UBE3D: variants seen among roughly 807,000 people sequenced by gnomAD.
UBE3D encodes the protein E3 ubiquitin-protein ligase E3D.
In UBE3D, 48 loss-of-function variants were observed where a neutral mutation model predicts 49.6. The observed-to-expected ratio is 0.97, with a 90% CI of 0.77 to 1.23. The LOEUF is 1.23. Ranked by LOEUF, UBE3D falls within the 50% of genes most tolerant of loss-of-function variation. The pLI is 0.00. For synonymous variants in UBE3D, 189 were observed against 174.2 expected, an observed-to-expected ratio of 1.08 and a Z score of -0.67; for missense variants, 452 against 468.4, an observed-to-expected ratio of 0.96 and a Z score of 0.32.
intron 8 of UBE3D, among the ~76,000 whole-genome samples, chr6:83,003,524 C>T (rs375527661): frequency 3.9e-5 from 6 of 152,088 alleles, no homozygotes; most frequent in East Asian, 1.9e-4. Flanking sequence ...AGTCATGTGT[C>T]GCTTAACAAC....
At chr6:82,889,688 A>G (rs1036460753), downstream of UBE3D, among the ~76,000 whole-genome samples, 1 of 152,122 alleles carries the variant, frequency 6.6e-6, no homozygotes, top group Non-Finnish European at 1.5e-5. Flanking sequence ...GAAATTATAT[A>G]TAGTAATTTT....
At chr6:82,952,466 C>G in intron 9 of UBE3D, among the ~76,000 whole-genome samples, 1 of 151,816 alleles carries the variant, frequency 6.6e-6, no homozygotes, top group African/African-American at 2.4e-5. Flanking sequence ...TCACTCTCAC[C>G]CAAGCTGCAG....
intron 9 of UBE3D, among the ~76,000 whole-genome samples, chr6:82,933,575 G>T (rs1233653014): frequency 2.0e-5 from 3 of 152,144 alleles, no homozygotes; most frequent in African/African-American, 4.8e-5. Flanking sequence ...GACTCCATAG[G>T]TAGAGTGTAG....
At chr6:82,958,741 C>G (rs895301177) in intron 8 of UBE3D, among the ~76,000 whole-genome samples, 5 of 152,190 alleles carry the variant, frequency 3.3e-5, no homozygotes, top group African/African-American at 1.2e-4. Flanking sequence ...TCAGCTGGAT[C>G]TGGGAGCCAA....
intron 8 of UBE3D, chr6:83,018,729 C>G (rs1780866023): frequency 2.2e-6 from 1 of 447,810 alleles, no homozygotes; most frequent in Non-Finnish European, 3.9e-6. Flanking sequence ...GCCATATGTA[C>G]AGACAGCTTA....
chr6:83,054,776 G>A (rs1437506409), intron 2 of UBE3D, among the ~76,000 whole-genome samples: 2 of 151,824 alleles, frequency 1.3e-5, no homozygotes, highest in Admixed American at 6.6e-5. Context: ...TCAGCCTCCC[G>A]CGTAGCTGGG....
chr6:82,888,097 G>A (rs1049656259), downstream of UBE3D, among the ~76,000 whole-genome samples: 2 of 151,970 alleles, frequency 1.3e-5, no homozygotes, highest in African/African-American at 4.8e-5. Context: ...CACTTATAAG[G>A]CGCTTTCTAT....
At chr6:82,958,397 T>C (rs896937730) in intron 8 of UBE3D, among the ~76,000 whole-genome samples, 6 of 152,204 alleles carry the variant, frequency 3.9e-5, no homozygotes, top group African/African-American at 1.4e-4. Flanking sequence ...TTGGTTTATA[T>C]AAATATACAT....
At chr6:83,031,453 G>A (rs966193345) in intron 5 of UBE3D, among the ~76,000 whole-genome samples, 8 of 152,168 alleles carry the variant, frequency 5.3e-5, no homozygotes, top group Non-Finnish European at 7.3e-5. Flanking sequence ...TTGCATCAGC[G>A]TGACCTGGAT....
chr6:82,881,658 C>A, the UBE3D span, among the ~76,000 whole-genome samples: 1 of 152,060 alleles, frequency 6.6e-6, no homozygotes, highest in African/African-American at 2.4e-5. Context: ...ACTGCTTTTT[C>A]CTCCTCTGAA....
chr6:83,058,546 C>T (rs140953253), intron 1 of UBE3D, among the ~76,000 whole-genome samples: 25 of 152,338 alleles, frequency 1.6e-4, no homozygotes, highest in Middle Eastern at 3.4e-3. Context: ...AGCCCCCAGG[C>T]ATCAAAAGTA....
chr6:83,057,952 C>A lies in UBE3D; in HGVS notation c.148G>T (p.Glu50Ter). The A allele has an allele frequency of 6.2e-7, 1 of 1,614,158 alleles. No homozygotes were observed. Among genetic ancestry groups the A allele is most frequent in the Non-Finnish European group, 8.5e-7 (1 of 1,180,022 alleles). The change falls in exon 2 of 10, where the codon GAA (glutamate) becomes TAA (stop). Residue 50 changes from glutamate (E) to a stop codon, truncating the protein, a stop_gained. Transcript: ENST00000369747. LOFTEE classifies it high-confidence loss of function. ...GGAAGCTGGATTTCTGTGCAGCCTT[C>A]AGGGGTTTTCATCTGGAGTGAAGAT... The part of the protein sequence containing the change: ...MPSSLQMKTP[E>*]GCTEIQLPAE...
chr6:83,045,008 A>G (rs1006378482), intron 3 of UBE3D, among the ~76,000 whole-genome samples: 1 of 152,218 alleles, frequency 6.6e-6, no homozygotes, highest in Non-Finnish European at 1.5e-5. Context: ...ATTTAGATGA[A>G]TCCTAATTAG....
chr6:82,997,698 G>A (rs529764415), intron 8 of UBE3D, among the ~76,000 whole-genome samples: 2 of 152,146 alleles, frequency 1.3e-5, no homozygotes, highest in South Asian at 4.1e-4. Flanking sequence ...CAGCCTGGGC[G>A]ACACAGCAAG....
intron 8 of UBE3D, among the ~76,000 whole-genome samples, chr6:82,974,440 C>T (rs529818329): frequency 5.3e-5 from 8 of 152,318 alleles, no homozygotes; most frequent in Admixed American, 2.6e-4. Flanking sequence ...ATAACCTGCA[C>T]ATATCCTCCC....
Sources: gnomAD v4.1 joint callset for allele counts (sites outside exome capture counted in the v4.1 genomes callset) on GRCh38, gnomAD v4.1.1 for gene constraint, MANE v1.5 for transcripts, NCBI Gene and HGNC (gene_info 2026-07-23, HGNC 2026-07-21) for gene names.